TMEM117: variants seen among roughly 807,000 people sequenced by gnomAD.
The protein encoded by TMEM117 is transmembrane protein 117.
TMEM117 carries 27 observed loss-of-function variants against 52.4 expected under a neutral mutation model. That is an observed-to-expected ratio of 0.51 (90% CI 0.38 to 0.71). The LOEUF (loss-of-function observed/expected upper bound fraction) is 0.71, where lower values mean the gene tolerates loss of function less well. Among genes scored for constraint, TMEM117 ranks in the 30% least tolerant of loss-of-function variants. The pLI, the probability that TMEM117 is intolerant of heterozygous loss-of-function variation, is 0.00. For synonymous variants in TMEM117, 215 were observed against 206.3 expected (o/e 1.04, Z -0.36); for missense variants, 556 against 630.5 (o/e 0.88, Z 1.26).
Position 44,090,410 on chromosome 12 carries a change from A to T in TMEM117, c.411-53115A>T, listed in dbSNP as rs1281658913. Among the ~76,000 whole-genome samples, 115 of 107,678 alleles carry T rather than the reference A, an allele frequency of 1.1e-3. 1 individual carries two copies. Among genetic ancestry groups the T allele is most frequent in the African/African-American group, 4.6e-3 (108 of 23,256 alleles). 70.6% of individuals were successfully genotyped at this position (107,678 alleles called of 152,430 possible). ...TTTTTATCTTACTTTTTATTTATTTATTTATTTATTTATTTATTTATTTAT... is the reference window on the plus strand; with the variant it reads ...TTTTTATCTTACTTTTTATTTATTTTTTTATTTATTTATTTATTTATTTAT... On this transcript the variant is annotated intron_variant, in intron 3 of 7. Transcript: ENST00000266534.
chr12:43,943,662 G>A (rs1055425076), intron 2 of TMEM117, among the ~76,000 whole-genome samples: 2 of 152,090 alleles, frequency 1.3e-5, no homozygotes, highest in Non-Finnish European at 2.9e-5. Context: ...TTGTACAGGG[G>A]CATGTTTGTT....
intron 7 of TMEM117, among the ~76,000 whole-genome samples, chr12:44,385,331 T>G (rs1227799122): frequency 6.6e-6 from 1 of 152,206 alleles, no homozygotes; most frequent in East Asian, 1.9e-4. Context: ...AAAGTGATCC[T>G]TGGGTGTGCA....
At chr12:44,125,329 G>T (rs1415058661) in intron 3 of TMEM117, among the ~76,000 whole-genome samples, 1 of 151,992 alleles carries the variant, frequency 6.6e-6, no homozygotes, top group East Asian at 1.9e-4. Flanking sequence ...GGATGGTCTC[G>T]ATCTCCTGAC....
chr12:43,944,371 GTGAGTGTTATGTTTGAAACT>G (rs1367464333), intron 3 of TMEM117, 29 bp downstream of exon 3: 1 of 1,343,110 alleles, frequency 7.4e-7, no homozygotes, highest in South Asian at 1.2e-5. Context: ...TTCTACTGTG[GTGAGTGTTATGTTTGAAACT>G]TGTAAGAATT....
intron 5 of TMEM117, among the ~76,000 whole-genome samples, chr12:44,221,195 C>T (rs1219760810): frequency 6.6e-6 from 1 of 152,136 alleles, no homozygotes; most frequent in Non-Finnish European, 1.5e-5. Context: ...CATAAAAATG[C>T]TGTACCATTA....
At chr12:44,310,220 T>A (rs1950956396) in intron 6 of TMEM117, among the ~76,000 whole-genome samples, 1 of 152,238 alleles carries the variant, frequency 6.6e-6, no homozygotes, top group Admixed American at 6.5e-5. Flanking sequence ...CCTTTGGTTT[T>A]AACTAAGAAA....
the TMEM117 span, among the ~76,000 whole-genome samples, chr12:43,825,640 A>T: frequency 6.6e-6 from 1 of 152,092 alleles, no homozygotes; most frequent in Admixed American, 6.5e-5. Context: ...ATTATTAAAT[A>T]TTATACTATT....
At chr12:44,057,996 G>T (rs1947083530) in intron 3 of TMEM117, among the ~76,000 whole-genome samples, 1 of 152,104 alleles carries the variant, frequency 6.6e-6, no homozygotes, top group Non-Finnish European at 1.5e-5. Flanking sequence ...TTAACCAAGA[G>T]TATTCTCTGT....
chr12:43,997,285 TAGC>T (rs1188547030), intron 3 of TMEM117, among the ~76,000 whole-genome samples: 2 of 152,268 alleles, frequency 1.3e-5, no homozygotes, highest in East Asian at 3.9e-4. Context: ...CCAACAGAAA[TAGC>T]AGCAAGAACA....
intron 3 of TMEM117, among the ~76,000 whole-genome samples, chr12:44,138,142 C>T (rs1458856744): frequency 6.6e-6 from 1 of 152,058 alleles, no homozygotes; most frequent in Non-Finnish European, 1.5e-5. Flanking sequence ...TTTTCTGGTT[C>T]CAGGACTTCT....
At chr12:44,151,377 A>G (rs1243858717) in intron 4 of TMEM117, among the ~76,000 whole-genome samples, 1 of 141,058 alleles carries the variant, frequency 7.1e-6, no homozygotes, top group Admixed American at 7.2e-5. Flanking sequence ...TTATTATTAT[A>G]CTTTAAGTTT....
chr12:44,387,386 C>T (rs1183570133), intron 7 of TMEM117, among the ~76,000 whole-genome samples: 1 of 151,558 alleles, frequency 6.6e-6, no homozygotes, highest in East Asian at 1.9e-4. Flanking sequence ...TCAAATATAT[C>T]TTTTCAAGCA....
chr12:44,137,508 T>A (rs895710032), intron 3 of TMEM117, among the ~76,000 whole-genome samples: 3 of 152,156 alleles, frequency 2.0e-5, no homozygotes, highest in African/African-American at 7.2e-5. Flanking sequence ...TTATCCATGT[T>A]GTCTTAGTCC....
chr12:43,797,500 A>C, the TMEM117 span: 1 of 1,460,078 alleles, frequency 6.8e-7, no homozygotes, highest in East Asian at 2.4e-5. Flanking sequence ...ATATAAGGAA[A>C]TTAAGTTAAA....
intron 6 of TMEM117, among the ~76,000 whole-genome samples, chr12:44,336,960 C>T (rs772065439): frequency 5.9e-5 from 9 of 151,940 alleles, no homozygotes; most frequent in African/African-American, 1.4e-4. Flanking sequence ...TGAAGTTAAA[C>T]GTGTAAGAAA....
intron 5 of TMEM117, 134 bp from the exon 6 acceptor site, chr12:44,299,446 T>C (rs1950810743): frequency 1.7e-6 from 2 of 1,203,936 alleles, no homozygotes; most frequent in African/African-American, 3.1e-5. Context: ...TTTTTTCATC[T>C]TCCTTTTGGC....
intron 5 of TMEM117, among the ~76,000 whole-genome samples, chr12:44,214,645 A>G (rs1949692674): frequency 6.6e-6 from 1 of 152,224 alleles, no homozygotes; most frequent in South Asian, 2.1e-4. Context: ...AAAATTATTA[A>G]TAATTAGGCA....
chr12:44,127,988 C>G (rs1948354209), intron 3 of TMEM117, among the ~76,000 whole-genome samples: 1 of 152,200 alleles, frequency 6.6e-6, no homozygotes, highest in Non-Finnish European at 1.5e-5. Flanking sequence ...ATACCATTTC[C>G]TAAATGGAAA....
intron 1 of TMEM117, among the ~76,000 whole-genome samples, chr12:43,838,127 GT>G (rs796542793): frequency 5.3e-4 from 79 of 147,872 alleles, no homozygotes; most frequent in African/African-American, 1.6e-3. Flanking sequence ...TGCTATTTGT[GT>G]TTTTTTTTTA....
Sources: allele counts gnomAD v4.1 joint callset (sites outside exome capture counted in the v4.1 genomes callset), GRCh38; gene constraint gnomAD v4.1.1; transcripts MANE v1.5; gene names NCBI Gene and HGNC (gene_info 2026-07-23, HGNC 2026-07-21).